The following DLG2 variants were observed in gnomAD, a reference collection of about 807,000 sequenced individuals.
DLG2 encodes the protein discs large MAGUK scaffold protein 2, also known as disks large homolog 2.
Under a neutral mutation model 132.5 loss-of-function variants are expected in DLG2, and 45 were observed. The observed-to-expected ratio is 0.34, with a 90% CI of 0.27 to 0.44. The LOEUF (loss-of-function observed/expected upper bound fraction) is 0.44, where lower values mean the gene tolerates loss of function less well. DLG2 is among the 20% of genes least tolerant of loss of function. The probability of loss-of-function intolerance (pLI) is 1.00; values close to 1 mark genes in which losing one functional copy is unlikely to be tolerated. For synonymous variants in DLG2, 424 were observed against 419.6 expected (o/e 1.01, Z -0.13); for missense variants, 1,045 against 1,196.9 (o/e 0.87, Z 1.87).
chr11:85,512,051 A>G (rs905143538), intron 3 of DLG2, among the ~76,000 whole-genome samples: 17 of 152,100 alleles, frequency 1.1e-4, no homozygotes. Context: ...AAGGATCATA[A>G]TATTATATAA....
intron 16 of DLG2, among the ~76,000 whole-genome samples, chr11:83,835,227 A>G (rs1330933369): frequency 6.6e-6 from 1 of 152,218 alleles, no homozygotes; most frequent in East Asian, 1.9e-4. Context: ...GTTTGCAAAC[A>G]AAACAAATAT....
intron 3 of DLG2, among the ~76,000 whole-genome samples, chr11:85,381,234 G>A (rs943154607): frequency 6.6e-6 from 1 of 152,156 alleles, no homozygotes; most frequent in Non-Finnish European, 1.5e-5. Context: ...TTTTTCAAGT[G>A]AAGCCAGAAA....
At chr11:84,626,740 C>T (rs962408178) in intron 6 of DLG2, among the ~76,000 whole-genome samples, 1 of 152,132 alleles carries the variant, frequency 6.6e-6, no homozygotes, top group African/African-American at 2.4e-5. Flanking sequence ...AGCAGCAAGA[C>T]CCAACTACGG....
intron 3 of DLG2, among the ~76,000 whole-genome samples, chr11:85,402,073 G>A (rs553732819): frequency 9.2e-5 from 14 of 151,960 alleles, no homozygotes; most frequent in South Asian, 2.1e-4. Context: ...GAGGCATCAC[G>A]CTACCTGACT....
At chr11:84,781,379 T>C (rs1364642430) in intron 6 of DLG2, among the ~76,000 whole-genome samples, 1 of 152,094 alleles carries the variant, frequency 6.6e-6, no homozygotes, top group African/African-American at 2.4e-5. Flanking sequence ...GATTGCTTTT[T>C]GCTGTTATTT....
intron 11 of DLG2, among the ~76,000 whole-genome samples, chr11:84,017,499 A>C (rs2095247053): frequency 6.6e-6 from 1 of 152,048 alleles, no homozygotes; most frequent in African/African-American, 2.4e-5. Flanking sequence ...TATGTATCTA[A>C]TCAAAGTGAA....
chr11:84,223,495 C>T (rs925038641), intron 8 of DLG2, among the ~76,000 whole-genome samples: 1 of 151,822 alleles, frequency 6.6e-6, no homozygotes, highest in Admixed American at 6.6e-5. Context: ...CCTGTTTCTG[C>T]CTGTGCTCAG....
At chr11:84,257,679 A>ATTT (rs1172548999) in intron 7 of DLG2, among the ~76,000 whole-genome samples, 155 of 105,918 alleles carry the variant, frequency 1.5e-3, no homozygotes, top group African/African-American at 3.9e-3. Flanking sequence ...TTATCTCTGG[A>ATTT]TTTTTTTTTT....
chr11:84,374,673 C>T (rs1260033182), intron 7 of DLG2, among the ~76,000 whole-genome samples: 1 of 152,136 alleles, frequency 6.6e-6, no homozygotes, highest in African/African-American at 2.4e-5. Flanking sequence ...CTCATCAACT[C>T]TGGCAACACC....
chr11:83,849,692 C>T (rs12420669), intron 16 of DLG2, among the ~76,000 whole-genome samples: 2 of 150,558 alleles, frequency 1.3e-5, no homozygotes, highest in Admixed American at 1.3e-4. Context: ...ATAGCATGTG[C>T]TTTGCAAGGG....
chr11:84,927,270 A>T (rs2047503105), intron 6 of DLG2, among the ~76,000 whole-genome samples: 1 of 151,992 alleles, frequency 6.6e-6, no homozygotes, highest in Non-Finnish European at 1.5e-5. Flanking sequence ...AAATAAGGAG[A>T]TTGGACTATC....
intron 6 of DLG2, among the ~76,000 whole-genome samples, chr11:84,914,723 G>A (rs1352945318): frequency 6.6e-6 from 1 of 152,204 alleles, no homozygotes; most frequent in Non-Finnish European, 1.5e-5. Context: ...ATTGGTGCCT[G>A]AGCCTAGCAT....
At chr11:85,273,213 A>C (rs1189112582) in intron 4 of DLG2, among the ~76,000 whole-genome samples, 2 of 152,204 alleles carry the variant, frequency 1.3e-5, no homozygotes, top group Non-Finnish European at 2.9e-5. Context: ...TCATGACTAA[A>C]ACACCAAAAG....
At chr11:84,376,287 T>C (rs567192976) in intron 7 of DLG2, among the ~76,000 whole-genome samples, 1 of 152,026 alleles carries the variant, frequency 6.6e-6, no homozygotes, top group South Asian at 2.1e-4. Flanking sequence ...GTAAAGGAGA[T>C]TGAGGATAGG....
At chr11:84,618,373 C>T (rs1433856108) in intron 6 of DLG2, among the ~76,000 whole-genome samples, 2 of 151,982 alleles carry the variant, frequency 1.3e-5, no homozygotes, top group Admixed American at 6.6e-5. Flanking sequence ...TCTGGTGAGC[C>T]GTCCTGCTAT....
intron 17 of DLG2, among the ~76,000 whole-genome samples, chr11:83,818,595 A>G (rs2049793407): frequency 6.6e-6 from 1 of 152,204 alleles, no homozygotes; most frequent in Non-Finnish European, 1.5e-5. Context: ...AGTTCGTTGT[A>G]GACAGGGATG....
intron 6 of DLG2, among the ~76,000 whole-genome samples, chr11:84,875,544 C>T (rs1267012758): frequency 1.3e-5 from 2 of 151,448 alleles, no homozygotes; most frequent in Non-Finnish European, 2.9e-5. Flanking sequence ...CAACTATGTA[C>T]ATCATGGTTT....
At chr11:84,816,143 T>G (rs1391690886) in intron 6 of DLG2, among the ~76,000 whole-genome samples, 1 of 151,992 alleles carries the variant, frequency 6.6e-6, no homozygotes, top group Non-Finnish European at 1.5e-5. Context: ...ATGCAACACC[T>G]TTTTGAGTTG....
intron 7 of DLG2, among the ~76,000 whole-genome samples, chr11:84,389,515 T>C (rs2098784404): frequency 6.6e-6 from 1 of 152,160 alleles, no homozygotes; most frequent in Non-Finnish European, 1.5e-5. Context: ...AATAATTTTG[T>C]TTACACTGGA....
Sources: allele counts gnomAD v4.1 joint callset (sites outside exome capture counted in the v4.1 genomes callset), GRCh38; gene constraint gnomAD v4.1.1; transcripts MANE v1.5; gene names NCBI Gene and HGNC (gene_info 2026-07-23, HGNC 2026-07-21).